Variants in COX15 observed in about 807,000 individuals in gnomAD.
The protein encoded by COX15 is heme A synthase COX15.
A neutral mutation model predicts 51.9 loss-of-function variants in COX15; 51 were observed. The observed-to-expected ratio is 0.98, with a 90% CI of 0.78 to 1.24. The LOEUF is 1.24. Among genes scored for constraint, COX15 ranks in the 50% most tolerant of loss-of-function variants. COX15 has a pLI of 0.00. For synonymous variants in COX15, 188 were observed against 190.5 expected, an observed-to-expected ratio of 0.99 and a Z score of 0.11; for missense variants, 420 against 501.1, an observed-to-expected ratio of 0.84 and a Z score of 1.55.
chr10:99,727,354 G>A (rs1462365678), intron 3 of COX15, 87 bp downstream of exon 3: 6 of 1,572,402 alleles, frequency 3.8e-6, no homozygotes, highest in Non-Finnish European at 5.2e-6. Context: ...CGAAGTTCAT[G>A]AAATAATCTA....
the COX15 span, chr10:99,698,823 C>T: frequency 2.7e-5 from 44 of 1,609,054 alleles, no homozygotes; most frequent in Admixed American, 1.2e-4. Context: ...CATTGGTGGC[C>T]GCTACCATGG....
At chr10:99,707,736 C>T (rs2036280838), downstream of COX15, among the ~76,000 whole-genome samples, 1 of 152,308 alleles carries the variant, frequency 6.6e-6, no homozygotes, top group Admixed American at 6.5e-5. Context: ...TAGCACAATC[C>T]ATCACTTTCC....
intron 7 of COX15, 98 bp from the exon 8 acceptor site, chr10:99,716,559 T>A (rs2036587089): frequency 1.3e-6 from 1 of 791,286 alleles, no homozygotes; most frequent in Non-Finnish European, 2.2e-6. Context: ...AACCATGAAG[T>A]ACTTTCCTGT....
intron 7 of COX15, among the ~76,000 whole-genome samples, chr10:99,717,050 C>G (rs2036601520): frequency 6.6e-6 from 1 of 152,184 alleles, no homozygotes; most frequent in Non-Finnish European, 1.5e-5. Context: ...TCAGTGCTGT[C>G]CACAATGACA....
Position 99,712,458 on chromosome 10 carries a change from T to C in COX15, c.*2129A>G. 1.0e-6 allele frequency: 1 copy of C among 985,438 alleles called. No individual in the cohort carries two copies. Among genetic ancestry groups the C allele is most frequent in the Non-Finnish European group, 1.2e-6 (1 of 829,908 alleles). The allele number at this position is 985,438 out of a possible 1,614,324, so 61.0% of individuals were successfully genotyped here. ...TTTAAAAAACAGAAGATTTGCTGAC[T>C]TAAACACTGCAAAATTAAACATTTA... is the stretch of plus-strand genomic sequence containing the variant. On this transcript the variant is annotated 3_prime_UTR_variant, in exon 9 of 9. Coordinates refer to ENST00000016171, the MANE Select transcript of COX15 (RefSeq NM_078470.6).
intron 1 of COX15, 76 bp downstream of exon 1, chr10:99,731,872 ACGTGATGTGGGG>A: frequency 2.0e-6 from 3 of 1,520,078 alleles, no homozygotes. Context: ...AGCTCCGGAA[ACGTGATGTGGGG>A]CTCTACATTA....
chr10:99,723,570 A>T (rs1266297121), intron 5 of COX15, among the ~76,000 whole-genome samples: 2 of 152,368 alleles, frequency 1.3e-5, no homozygotes, highest in East Asian at 3.9e-4. Context: ...GCATAAAATG[A>T]AAAACTAGTA....
downstream of COX15, among the ~76,000 whole-genome samples, chr10:99,707,522 T>G (rs533966822): frequency 6.6e-6 from 1 of 152,380 alleles, no homozygotes; most frequent in Non-Finnish European, 1.5e-5. Flanking sequence ...CTATTTGCAT[T>G]TCTGCACTTT....
chr10:99,721,667 T>C (rs891155694), intron 5 of COX15, among the ~76,000 whole-genome samples: 2 of 152,152 alleles, frequency 1.3e-5, no homozygotes, highest in African/African-American at 4.8e-5. Flanking sequence ...CTCTACTATA[T>C]GAAAAGTTAG....
downstream of COX15, among the ~76,000 whole-genome samples, chr10:99,706,711 A>G (rs1428907519): frequency 1.3e-5 from 2 of 152,122 alleles, no homozygotes; most frequent in Non-Finnish European, 2.9e-5. Flanking sequence ...TAAGACTTCT[A>G]CATTGCTTTT....
chr10:99,701,584 G>A, the COX15 span, among the ~76,000 whole-genome samples: 26 of 151,630 alleles, frequency 1.7e-4, no homozygotes, highest in African/African-American at 5.6e-4. Context: ...CACCGGGCCC[G>A]GCCAAAAGTG....
In COX15 at chr10:99,720,945, A is replaced by T. The variant is rs1323315449; in HGVS notation, c.832+42T>A. ...CATTAGGCAAGAGGTCCCAGCTTAG[A>T]GTGCAATGCAAACAGGTCATCTTTG... is the stretch of plus-strand genomic sequence containing the variant. On this transcript the variant is annotated intron_variant, in intron 6 of 8. Transcript: ENST00000016171. 3 of 1,505,108 alleles carry T rather than the reference A, an allele frequency of 2.0e-6. No homozygotes were observed. The East Asian group carries it at 6.8e-5, about 34-fold the overall frequency. The allele number at this position is 1,505,108 out of a possible 1,614,324, so 93.2% of individuals were successfully genotyped here. A position where few individuals can be genotyped will look rare whatever the true frequency, so the allele number is the denominator to read the frequency against.
chr10:99,710,212 G>T, downstream of COX15: 1 of 985,348 alleles, frequency 1.0e-6, no homozygotes, highest in Non-Finnish European at 1.2e-6. Flanking sequence ...CCGGCATTTG[G>T]CCTGCTGCTG....
At chr10:99,709,228 ACT>A (rs1452288708), downstream of COX15, 10 of 985,106 alleles carry the variant, frequency 1.0e-5, no homozygotes, top group African/African-American at 1.6e-4. Context: ...CAGTTTCCAG[ACT>A]CTGTTACAGA....
At chr10:99,700,605 C>T in the COX15 span, among the ~76,000 whole-genome samples, 2 of 152,128 alleles carry the variant, frequency 1.3e-5, no homozygotes, top group African/African-American at 2.4e-5. Context: ...ATTACAACAC[C>T]GAGGGAGGCC....
chr10:99,716,665 G>GT, intron 7 of COX15: 4 of 517,352 alleles, frequency 7.7e-6, no homozygotes, highest in Non-Finnish European at 1.4e-5. Flanking sequence ...TTAAACGTCG[G>GT]TATCACCCAG....
In COX15 at chr10:99,710,972, G is replaced by C; in HGVS notation, c.*3615C>G. On this transcript the variant is annotated 3_prime_UTR_variant, in exon 9 of 9. Coordinates refer to ENST00000016171, the MANE Select transcript of COX15 (RefSeq NM_078470.6). The stretch of plus-strand genomic sequence containing the variant: ...AAGGGAAATCTATTTAATCCTATAG[G>C]TATGTGATGACTTGTTTTTTTGGAA... The C allele has an allele frequency of 2.0e-6, 2 of 985,162 alleles. No individual in the cohort carries two copies. The highest frequency in any genetic ancestry group is 2.4e-6 in the Non-Finnish European group (2 of 829,768). The allele number at this position is 985,162 out of a possible 1,614,324, so 61.0% of individuals were successfully genotyped here.
chr10:99,721,575 C>T (rs908346564), intron 5 of COX15, among the ~76,000 whole-genome samples: 1 of 152,150 alleles, frequency 6.6e-6, no homozygotes, highest in Non-Finnish European at 1.5e-5. Context: ...TTATTACCAA[C>T]TTCTAATACT....
At chr10:99,726,482 G>A (rs936928580) in intron 4 of COX15, among the ~76,000 whole-genome samples, 2 of 152,170 alleles carry the variant, frequency 1.3e-5, no homozygotes, top group African/African-American at 4.8e-5. Flanking sequence ...TCAGAGGTTA[G>A]GTAATTTACC....
Sources: allele counts gnomAD v4.1 joint callset (sites outside exome capture counted in the v4.1 genomes callset), GRCh38; gene constraint gnomAD v4.1.1; transcripts MANE v1.5; gene names NCBI Gene and HGNC (gene_info 2026-07-23, HGNC 2026-07-21).